Variants in GFM2 observed in about 807,000 individuals in gnomAD.
The protein encoded by GFM2 is GTP dependent ribosome recycling factor mitochondrial 2.
In GFM2, 72 loss-of-function variants were observed where a neutral mutation model predicts 95.4. The observed-to-expected ratio is 0.76, with a 90% CI of 0.62 to 0.92. The LOEUF (loss-of-function observed/expected upper bound fraction) is 0.92. Ranked by LOEUF, GFM2 falls within the 40% of genes least tolerant of loss-of-function variation. The probability of loss-of-function intolerance (pLI) is 0.00; values close to 1 mark genes in which losing one functional copy is unlikely to be tolerated. For synonymous variants in GFM2, 276 were observed against 317.5 expected, an observed-to-expected ratio of 0.87 and a Z score of 1.39; for missense variants, 825 against 924.1, an observed-to-expected ratio of 0.89 and a Z score of 1.39.
chr5:74,755,424 A>C (rs1743929459), intron 5 of GFM2, among the ~76,000 whole-genome samples: 1 of 152,210 alleles, frequency 6.6e-6, no homozygotes, highest in African/African-American at 2.4e-5. Context: ...ATGGAAATTT[A>C]AAAAGTGAAA....
intron 1 of GFM2, among the ~76,000 whole-genome samples, chr5:74,765,706 T>G (rs1204257182): frequency 1.3e-5 from 2 of 152,042 alleles, no homozygotes; most frequent in Admixed American, 6.6e-5. Context: ...CTTAAAAAAC[T>G]GCTTCAAAGG....
Position 74,745,694 on chromosome 5 carries a change from T to C in GFM2, c.833A>G (p.Asn278Ser). Residue 278 changes from asparagine to serine, a missense_variant, in exon 10 of 21, where the codon AAT becomes AGT. Transcript: ENST00000296805. ...ATACTTTACTTGTTCAATTAAGGCA[T>C]TCCTTGCTTCAGTTGTTTCCTTCAG... ...ELLKETTEAR[N>S]ALIEQVADLD... The C allele has an allele frequency of 1.2e-6, 2 of 1,612,088 alleles. No individual in the cohort carries two copies. The highest frequency in any genetic ancestry group is 2.2e-5 in the East Asian group (1 of 44,818).
chr5:74,728,230 T>C (rs1169530535), intron 17 of GFM2, among the ~76,000 whole-genome samples: 2 of 152,138 alleles, frequency 1.3e-5, no homozygotes, highest in Non-Finnish European at 2.9e-5. Context: ...GAAACTTAAC[T>C]ACTATAGAAT....
intron 16 of GFM2, among the ~76,000 whole-genome samples, chr5:74,731,926 A>T (rs1192948419): frequency 6.7e-6 from 1 of 148,774 alleles, no homozygotes; most frequent in Non-Finnish European, 1.5e-5. Context: ...TTTTTTTTTT[A>T]AACGTAGTGC....
intron 10 of GFM2, among the ~76,000 whole-genome samples, chr5:74,745,057 G>A (rs55996695): frequency 0.095 from 14,510 of 152,160 alleles, 873 homozygotes; most frequent in East Asian, 0.14. Context: ...AAGCAAATGA[G>A]GCCCGGCGCA....
At chr5:74,733,277 G>T in intron 15 of GFM2, 179 bp from the exon 16 acceptor site, 2 of 495,132 alleles carry the variant, frequency 4.0e-6, no homozygotes, top group Non-Finnish European at 3.6e-6. Context: ...GATCGCTTGA[G>T]CCCAGGAGTT....
In GFM2 at chr5:74,730,328, A is replaced by G. The variant is rs1742491299; in HGVS notation, c.1658T>C (p.Leu553Pro). ...IHDRIKREYGLETYLGPLQVA... is the reference protein window; with the variant it reads ...IHDRIKREYGPETYLGPLQVA... ...CTGGAGAGGCCCGAGATAGGTCTCC[A>G]GTCCATATTCCCTCTTGATTCGATC... Residue 553 changes from leucine to proline, a missense_variant, in exon 17 of 21, where the codon CTG becomes CCG. By Grantham distance (98) the Leu-to-Pro change is moderately conservative (BLOSUM62 -3). Coordinates refer to ENST00000296805, the MANE Select transcript of GFM2 (RefSeq NM_032380.5). 1 of 1,613,094 alleles carries G rather than the reference A, an allele frequency of 6.2e-7. No individual in the cohort carries two copies.
At chr5:74,766,505 G>A (rs1744620749) in intron 1 of GFM2, among the ~76,000 whole-genome samples, 1 of 152,126 alleles carries the variant, frequency 6.6e-6, no homozygotes, top group African/African-American at 2.4e-5. Context: ...CGTACTTTCT[G>A]GTAGTTAATT....
At chr5:74,756,873 G>A (rs1039313396) in intron 5 of GFM2, among the ~76,000 whole-genome samples, 1 of 152,102 alleles carries the variant, frequency 6.6e-6, no homozygotes, top group Non-Finnish European at 1.5e-5. Flanking sequence ...AAGCTATGAG[G>A]ATGCAAAGGC....
Position 74,738,465 on chromosome 5 carries a change from C to T in GFM2, c.1220+37G>A, listed in dbSNP as rs186213016. On this transcript the variant is annotated intron_variant, in intron 13 of 20. Transcript: ENST00000296805. ...TAGTAAAAGTATTTTTAAAGAAGTG[C>T]ATACAGTTTTATAAAATAATCTAAG... is the stretch of plus-strand genomic sequence containing the variant. The T allele has an allele frequency of 4.3e-3, 6,860 of 1,610,340 alleles. 25 individuals carry two copies. The highest frequency in any genetic ancestry group is 5.4e-3 in the Non-Finnish European group (6,371 of 1,178,158).
At chr5:74,749,376 C>T (rs917499209) in intron 7 of GFM2, among the ~76,000 whole-genome samples, 3 of 152,158 alleles carry the variant, frequency 2.0e-5, no homozygotes, top group African/African-American at 7.2e-5. Context: ...TCCTCACCAA[C>T]ATTTGCTATC....
Position 74,767,069 on chromosome 5 carries a change from C to A in GFM2, c.-156G>T. The stretch of plus-strand genomic sequence containing the variant: ...CTAGGCAAAAGGCAATGTATCTAAA[C>A]GAAAAGAAAATAGGCTTTCTCCGCT... On this transcript the variant is annotated 5_prime_UTR_variant, in exon 1 of 21. Transcript: ENST00000296805. 1 of 424,372 alleles carries A rather than the reference C, an allele frequency of 2.4e-6. No homozygotes were observed. Among genetic ancestry groups the A allele is most frequent in the South Asian group, 3.4e-5 (1 of 29,016 alleles). 26.3% of individuals were successfully genotyped at this position (424,372 alleles called of 1,614,324 possible).
In GFM2 at chr5:74,761,973, T is replaced by C. The variant is rs149204916; in HGVS notation, c.64-987A>G. Among the ~76,000 whole-genome samples, 723 of 152,340 alleles carry C rather than the reference T, an allele frequency of 4.7e-3. 10 individuals carry two copies. The highest frequency in any genetic ancestry group is 0.016 in the African/African-American group (680 of 41,568). ...TACTATCCTCAGAAAATAATTCCACTGCATAATGACTAGGATAAGACCCAG... is the reference window on the plus strand; with the variant it reads ...TACTATCCTCAGAAAATAATTCCACCGCATAATGACTAGGATAAGACCCAG... On this transcript the variant is annotated intron_variant, in intron 2 of 20. Coordinates refer to ENST00000296805, the MANE Select transcript of GFM2 (RefSeq NM_032380.5).
chr5:74,736,623 A>G, intron 15 of GFM2, 173 bp downstream of exon 15: 2 of 1,433,190 alleles, frequency 1.4e-6, no homozygotes, highest in South Asian at 3.1e-5. Context: ...AAATGAAGGC[A>G]TTTGTAAAAA....
intron 18 of GFM2, 30 bp downstream of exon 18, chr5:74,725,911 C>A (rs1434617393): frequency 6.3e-7 from 1 of 1,582,942 alleles, no homozygotes; most frequent in Non-Finnish European, 8.6e-7. Context: ...GAGTGGGATA[C>A]TAATGCTTAC....
intron 10 of GFM2, chr5:74,741,883 A>C (rs1161698900): frequency 8.8e-6 from 2 of 227,244 alleles, no homozygotes; most frequent in Middle Eastern, 1.4e-3. Flanking sequence ...CAGTGTGCTC[A>C]AAAGAAATCA....
intron 16 of GFM2, among the ~76,000 whole-genome samples, chr5:74,732,709 C>G (rs1742633060): frequency 6.6e-6 from 1 of 152,044 alleles, no homozygotes; most frequent in African/African-American, 2.4e-5. Context: ...GTAAAAGGCT[C>G]AAGGCTTTGC....
At chr5:74,750,074 A>G (rs1743617787) in intron 7 of GFM2, among the ~76,000 whole-genome samples, 3 of 152,254 alleles carry the variant, frequency 2.0e-5, no homozygotes, top group Non-Finnish European at 2.9e-5. Context: ...CTAAAAGCTC[A>G]TTCATTGTTT....
At chr5:74,736,285 G>C (rs1742830031) in intron 15 of GFM2, 6 of 667,530 alleles carry the variant, frequency 9.0e-6, no homozygotes, top group Non-Finnish European at 1.1e-5. Flanking sequence ...TAAAGAGTTT[G>C]GGTGTGTGCT....
Sources: allele counts gnomAD v4.1 joint callset (sites outside exome capture counted in the v4.1 genomes callset), GRCh38; gene constraint gnomAD v4.1.1; transcripts MANE v1.5; gene names NCBI Gene and HGNC (gene_info 2026-07-23, HGNC 2026-07-21).